Variants in SGMS1 observed in about 807,000 individuals in gnomAD.
The protein encoded by SGMS1 is phosphatidylcholine:ceramide cholinephosphotransferase 1.
Under a neutral mutation model 46.2 loss-of-function variants are expected in SGMS1, and 13 were observed. The ratio of observed to expected loss-of-function variants is 0.28; its 90% CI spans 0.18 to 0.45. The LOEUF (loss-of-function observed/expected upper bound fraction) is 0.45. Ranked by LOEUF, SGMS1 falls within the 20% of genes least tolerant of loss-of-function variation. SGMS1 has a pLI of 1.00. For synonymous variants in SGMS1, 203 were observed against 187.8 expected (o/e 1.08, Z -0.66); for missense variants, 324 against 519.9 (o/e 0.62, Z 3.66).
intron 6 of SGMS1, among the ~76,000 whole-genome samples, chr10:50,384,812 G>C (rs988386957): frequency 1.3e-5 from 2 of 152,000 alleles, no homozygotes; most frequent in Non-Finnish European, 2.9e-5. Context: ...AAAAACTGAG[G>C]CATACCCTTC....
intron 3 of SGMS1, among the ~76,000 whole-genome samples, chr10:50,494,386 C>T (rs561807769): frequency 1.3e-5 from 2 of 152,262 alleles, no homozygotes; most frequent in South Asian, 4.2e-4. Flanking sequence ...CCTAAATGCC[C>T]ATCAGTGGTA....
intron 7 of SGMS1, among the ~76,000 whole-genome samples, chr10:50,332,328 C>A (rs1339378755): frequency 1.3e-5 from 2 of 152,120 alleles, no homozygotes; most frequent in Non-Finnish European, 2.9e-5. Flanking sequence ...ACTTGCCTGT[C>A]ACTGACATTC....
intron 3 of SGMS1, among the ~76,000 whole-genome samples, chr10:50,498,811 C>A (rs1462082752): frequency 6.6e-6 from 1 of 152,204 alleles, no homozygotes; most frequent in Non-Finnish European, 1.5e-5. Context: ...GCTTTCAACA[C>A]TTTCAGGTCT....
chr10:50,404,579 G>A (rs1208147847), intron 6 of SGMS1, among the ~76,000 whole-genome samples: 1 of 152,138 alleles, frequency 6.6e-6, no homozygotes, highest in Admixed American at 6.5e-5. Context: ...TTGCAGTCTG[G>A]GTGAAGAGCG....
At chr10:50,563,949 C>G (rs901953694) in intron 2 of SGMS1, among the ~76,000 whole-genome samples, 37 of 152,174 alleles carry the variant, frequency 2.4e-4, no homozygotes, top group African/African-American at 8.2e-4. Context: ...GCTCCCAGGC[C>G]AGTCCTTACA....
At chr10:50,327,617 C>T (rs1330522895) in intron 7 of SGMS1, among the ~76,000 whole-genome samples, 1 of 152,174 alleles carries the variant, frequency 6.6e-6, no homozygotes, top group African/African-American at 2.4e-5. Flanking sequence ...GTCGGACATA[C>T]AAGTGGAGCC....
chr10:50,527,077 AAAAAAAAAAAAAG>A (rs1256921932), intron 2 of SGMS1, among the ~76,000 whole-genome samples: 6 of 101,810 alleles, frequency 5.9e-5, no homozygotes, highest in African/African-American at 1.4e-4. Context: ...AAAAAAAAAA[AAAAAAAAAAAAAG>A]AAAGAAAGAA....
intron 8 of SGMS1, among the ~76,000 whole-genome samples, chr10:50,323,154 A>G (rs1847476642): frequency 6.6e-6 from 1 of 152,204 alleles, no homozygotes; most frequent in Non-Finnish European, 1.5e-5. Context: ...GAGCGATTAT[A>G]TTTTGTGAAG....
chr10:50,404,310 GA>G (rs1848982532), intron 6 of SGMS1, among the ~76,000 whole-genome samples: 1 of 149,036 alleles, frequency 6.7e-6, no homozygotes, highest in Non-Finnish European at 1.5e-5. Flanking sequence ...GTTTTGTTTT[GA>G]TTTTTTTTTT....
chr10:50,594,345 C>T (rs1049086041), intron 1 of SGMS1, among the ~76,000 whole-genome samples: 29 of 152,164 alleles, frequency 1.9e-4, no homozygotes, highest in Middle Eastern at 3.2e-3. Context: ...CTGTTTTCTT[C>T]CTGGTAGATT....
At chr10:50,360,693 C>A (rs972068078) in intron 6 of SGMS1, among the ~76,000 whole-genome samples, 1 of 152,230 alleles carries the variant, frequency 6.6e-6, no homozygotes, top group Non-Finnish European at 1.5e-5. Flanking sequence ...TTAGCTCTCA[C>A]ATGAGCTGAT....
intron 8 of SGMS1, among the ~76,000 whole-genome samples, chr10:50,318,150 A>G (rs1168120960): frequency 2.6e-5 from 4 of 152,024 alleles, no homozygotes; most frequent in African/African-American, 9.7e-5. Flanking sequence ...CCAATTGCCC[A>G]TTTTCTGCCT....
At chr10:50,544,253 G>C (rs1287853220) in intron 2 of SGMS1, among the ~76,000 whole-genome samples, 1 of 152,182 alleles carries the variant, frequency 6.6e-6, no homozygotes, top group Non-Finnish European at 1.5e-5. Context: ...CCATTTCACA[G>C]ATGAGGAAAC....
At chr10:50,482,913 T>C (rs549909420) in intron 3 of SGMS1, among the ~76,000 whole-genome samples, 2 of 152,136 alleles carry the variant, frequency 1.3e-5, no homozygotes, top group African/African-American at 2.4e-5. Flanking sequence ...GCAATCCTAG[T>C]TTCTGACAAA....
intron 8 of SGMS1, among the ~76,000 whole-genome samples, chr10:50,311,657 C>T (rs942335823): frequency 6.6e-6 from 1 of 152,136 alleles, no homozygotes; most frequent in African/African-American, 2.4e-5. Flanking sequence ...TTTTAAAGCA[C>T]GTGTCAGTAG....
At chr10:50,564,754 AT>A (rs143459607) in intron 2 of SGMS1, among the ~76,000 whole-genome samples, 3,101 of 150,960 alleles carry the variant, frequency 0.021, 117 homozygotes, top group African/African-American at 0.071. Context: ...TAATCAGATT[AT>A]TTTTTTTATT....
intron 6 of SGMS1, among the ~76,000 whole-genome samples, chr10:50,419,121 C>A (rs1849221586): frequency 6.6e-6 from 1 of 151,998 alleles, no homozygotes; most frequent in African/African-American, 2.4e-5. Context: ...GGGTTCAGGA[C>A]CATCGAGATT....
chr10:50,569,239 C>T (rs1008184472), intron 2 of SGMS1, among the ~76,000 whole-genome samples: 2 of 145,660 alleles, frequency 1.4e-5, no homozygotes, highest in African/African-American at 5.1e-5. Context: ...CACCATGGCA[C>T]GTGTATACCT....
At chr10:50,412,674 C>T (rs1389875710) in intron 6 of SGMS1, among the ~76,000 whole-genome samples, 1 of 152,110 alleles carries the variant, frequency 6.6e-6, no homozygotes, top group African/African-American at 2.4e-5. Flanking sequence ...GTGCTGCTTA[C>T]ACCTTAAGGC....
Sources: gnomAD v4.1 joint callset for allele counts (sites outside exome capture counted in the v4.1 genomes callset) on GRCh38, gnomAD v4.1.1 for gene constraint, MANE v1.5 for transcripts, NCBI Gene and HGNC (gene_info 2026-07-23, HGNC 2026-07-21) for gene names.